Variants in NXPH2 observed in about 807,000 individuals in gnomAD.
The protein encoded by NXPH2 is neurexophilin 2, also known as neurexophilin-2.
NXPH2 carries 5 observed loss-of-function variants against 19.8 expected under a neutral mutation model. The ratio of observed to expected loss-of-function variants is 0.25; its 90% CI spans 0.13 to 0.53. The LOEUF (loss-of-function observed/expected upper bound fraction) is 0.53, where lower values mean the gene tolerates loss of function less well. Ranked by LOEUF, NXPH2 falls within the 20% of genes least tolerant of loss-of-function variation. The pLI, the probability that NXPH2 is intolerant of heterozygous loss-of-function variation, is 0.96. For synonymous variants in NXPH2, 154 were observed against 127.4 expected (o/e 1.21, Z -1.41); for missense variants, 289 against 322.8 (o/e 0.90, Z 0.80).
chr2:138,697,091 G>A (rs1680839521), intron 1 of NXPH2, among the ~76,000 whole-genome samples: 1 of 152,180 alleles, frequency 6.6e-6, no homozygotes, highest in African/African-American at 2.4e-5. Context: ...AGTATATGTG[G>A]TATAATTCCA....
chr2:138,744,820 C>A (rs1215709425), intron 1 of NXPH2, among the ~76,000 whole-genome samples: 2 of 152,208 alleles, frequency 1.3e-5, no homozygotes, highest in Non-Finnish European at 2.9e-5. Flanking sequence ...TTCTTCCCTG[C>A]CTAGACAAAG....
intron 1 of NXPH2, among the ~76,000 whole-genome samples, chr2:138,704,365 A>G (rs1241067212): frequency 6.6e-6 from 1 of 152,258 alleles, no homozygotes; most frequent in Non-Finnish European, 1.5e-5. Flanking sequence ...AAAGAAGTAC[A>G]GTCTACAAAC....
At position 138,765,027 on chromosome 2, in the gene NXPH2, C is replaced by T. The variant is rs76826975; in HGVS notation, c.51+15164G>A. ...AATACATTGATAAAGAAGGGCTTGA[C>T]TTATTTAGGGATGTGTACAGAGAAT... On this transcript the variant is annotated intron_variant, in intron 1 of 1. Transcript: ENST00000272641. Among the ~76,000 whole-genome samples, 619 of 152,282 alleles carry T rather than the reference C, an allele frequency of 4.1e-3. 3 individuals carry two copies. Among genetic ancestry groups the T allele is most frequent in the Middle Eastern group, 6.8e-3 (2 of 294 alleles).
intron 1 of NXPH2, among the ~76,000 whole-genome samples, chr2:138,732,237 T>C (rs1681463641): frequency 6.6e-6 from 1 of 152,198 alleles, no homozygotes; most frequent in African/African-American, 2.4e-5. Context: ...TGTAATCATC[T>C]TGGGCAATCA....
At position 138,758,282 on chromosome 2, in the gene NXPH2, C is replaced by A. The variant is rs555102533; in HGVS notation, c.51+21909G>T. Among the ~76,000 whole-genome samples, 3 of 152,120 alleles carry A rather than the reference C, an allele frequency of 2.0e-5. No individual in the cohort carries two copies. The South Asian group carries it at 6.2e-4, about 32-fold the overall frequency. On this transcript the variant is annotated intron_variant, in intron 1 of 1. Transcript: ENST00000272641. ...TTAAATAGTATTACTGAGGATCTAC[C>A]CAGGATCCTAGGACACCTCTGCCTG...
intron 1 of NXPH2, among the ~76,000 whole-genome samples, chr2:138,686,543 A>AT (rs568765748): frequency 0.05 from 7,530 of 151,628 alleles, 223 homozygotes; most frequent in Non-Finnish European, 0.061. Flanking sequence ...ATTGTTATTT[A>AT]TTTATTTTAT....
chr2:138,725,688 T>A (rs1302025720), intron 1 of NXPH2, among the ~76,000 whole-genome samples: 2 of 152,196 alleles, frequency 1.3e-5, no homozygotes, highest in African/African-American at 4.8e-5. Flanking sequence ...ACCAAACTAT[T>A]TATATAATTG....
intron 1 of NXPH2, among the ~76,000 whole-genome samples, chr2:138,745,109 C>T (rs909407378): frequency 1.3e-5 from 2 of 152,148 alleles, no homozygotes; most frequent in African/African-American, 4.8e-5. Flanking sequence ...CTCAAGCTGC[C>T]CTTCTTGTTT....
chr2:138,707,447 G>T lies in NXPH2; in HGVS notation c.52-35782C>A, dbSNP rs186549834. ...ATGAATCACTTGTGGCCTGATCTGG[G>T]GGGGAGAAAAGCTTCTACTACACTG... On this transcript the variant is annotated intron_variant, in intron 1 of 1. Transcript: ENST00000272641. Among the ~76,000 whole-genome samples the T allele has an allele frequency of 1.7e-4, 26 of 152,212 alleles. No homozygotes were observed. In the East Asian group the frequency reaches 5.0e-3, roughly 29 times the overall value.
chr2:138,727,013 T>C (rs1243962300), intron 1 of NXPH2, among the ~76,000 whole-genome samples: 1 of 152,212 alleles, frequency 6.6e-6, no homozygotes, highest in Non-Finnish European at 1.5e-5. Context: ...AGATGCCATA[T>C]AGTTGGAATC....
Position 138,780,196 on chromosome 2 carries a change from G to A in NXPH2, c.46C>T (p.Gln16Ter). ...CGCGCGGGCCGGGCACTCACCAGCT[G>A]CAGCAAGCCAGGGACCACCACGAGG... ...LPLVVVPGLL[Q>*]LLFCDSKEVV... Residue 16 changes from glutamine to a stop codon, truncating the protein, a stop_gained, in exon 1 of 2, where the codon CAG (glutamine) becomes TAG (stop). Transcript: ENST00000272641. LOFTEE classifies it high-confidence loss of function. 1.3e-6 allele frequency: 2 copies of A among 1,490,408 alleles called. No individual in the cohort carries two copies. The highest frequency in any genetic ancestry group is 1.8e-6 in the Non-Finnish European group (2 of 1,128,590). The allele number at this position is 1,490,408 out of a possible 1,614,324, so 92.3% of individuals were successfully genotyped here.
intron 1 of NXPH2, among the ~76,000 whole-genome samples, chr2:138,736,279 C>T (rs1475440357): frequency 6.6e-6 from 1 of 152,240 alleles, no homozygotes; most frequent in Non-Finnish European, 1.5e-5. Context: ...TTGCAGCAAA[C>T]TTCTGCCTGG....
At chr2:138,753,417 C>T (rs1209918996) in intron 1 of NXPH2, among the ~76,000 whole-genome samples, 1 of 151,956 alleles carries the variant, frequency 6.6e-6, no homozygotes, top group Non-Finnish European at 1.5e-5. Context: ...TATTTCCTGC[C>T]CAGGTTCTAG....
chr2:138,762,735 T>G (rs1682035787), intron 1 of NXPH2, among the ~76,000 whole-genome samples: 2 of 152,200 alleles, frequency 1.3e-5, no homozygotes, highest in African/African-American at 4.8e-5. Context: ...CTTCATCAAA[T>G]GGAGACAGTG....
At chr2:138,756,667 T>A (rs535904951) in intron 1 of NXPH2, among the ~76,000 whole-genome samples, 7 of 152,198 alleles carry the variant, frequency 4.6e-5, no homozygotes, top group African/African-American at 1.2e-4. Context: ...CATAAATACG[T>A]TGGATACAAA....
intron 1 of NXPH2, among the ~76,000 whole-genome samples, chr2:138,753,983 A>G (rs1681863231): frequency 1.3e-5 from 2 of 152,076 alleles, no homozygotes; most frequent in Non-Finnish European, 2.9e-5. Context: ...CTCTTCAGTG[A>G]GGTTATTTCA....
At chr2:138,733,631 G>C (rs929128529) in intron 1 of NXPH2, among the ~76,000 whole-genome samples, 10 of 152,130 alleles carry the variant, frequency 6.6e-5, no homozygotes, top group African/African-American at 2.2e-4. Flanking sequence ...TTGCCCTCTA[G>C]CTACCATTAT....
intron 1 of NXPH2, among the ~76,000 whole-genome samples, chr2:138,748,453 A>G (rs1681775403): frequency 1.3e-5 from 2 of 152,326 alleles, no homozygotes; most frequent in Admixed American, 1.3e-4. Flanking sequence ...CCAATCTGGG[A>G]CAATTATAGG....
At chr2:138,775,153 G>T (rs1172130759) in intron 1 of NXPH2, among the ~76,000 whole-genome samples, 2 of 152,032 alleles carry the variant, frequency 1.3e-5, no homozygotes, top group Non-Finnish European at 2.9e-5. Flanking sequence ...CTAGGAAAAA[G>T]AAAAATATTT....
Sources: gnomAD v4.1 joint callset for allele counts (sites outside exome capture counted in the v4.1 genomes callset) on GRCh38, gnomAD v4.1.1 for gene constraint, MANE v1.5 for transcripts, NCBI Gene and HGNC (gene_info 2026-07-23, HGNC 2026-07-21) for gene names.